The following RUNX2 variants were observed in gnomAD, a reference collection of about 807,000 sequenced individuals.
RUNX2 encodes runt-related transcription factor 2.
In RUNX2, 10 loss-of-function variants were observed where a neutral mutation model predicts 51.7. The observed-to-expected ratio is 0.19, with a 90% CI of 0.12 to 0.33. The LOEUF is 0.33. RUNX2 is among the 10% of genes least tolerant of loss of function. The probability of loss-of-function intolerance (pLI) is 1.00; values close to 1 mark genes in which losing one functional copy is unlikely to be tolerated. For synonymous variants in RUNX2, 276 were observed against 273.6 expected, an observed-to-expected ratio of 1.01 and a Z score of -0.09; for missense variants, 562 against 691.3, an observed-to-expected ratio of 0.81 and a Z score of 2.10.
At position 45,445,094 on chromosome 6, in the gene RUNX2, G is replaced by A. The variant is rs189310262; in HGVS notation, c.685+7043G>A. ...GGCTGGAGTGCAGTGGCGGGATCTC[G>A]GCTCACTGCAACCTCCACCTCCTGG... On this transcript the variant is annotated intron_variant, in intron 5 of 8. Transcript: ENST00000647337. Among the ~76,000 whole-genome samples, 1,356 of 152,066 alleles carry A rather than the reference G, an allele frequency of 8.9e-3. 18 individuals are homozygous for A. Among genetic ancestry groups the A allele is most frequent in the African/African-American group, 0.031 (1,278 of 41,460 alleles).
At chr6:45,446,558 T>A (rs958227455) in intron 5 of RUNX2, among the ~76,000 whole-genome samples, 7 of 151,700 alleles carry the variant, frequency 4.6e-5, no homozygotes, top group Non-Finnish European at 1.0e-4. Flanking sequence ...TAATTCCTGA[T>A]AGATCACTGA....
At chr6:45,476,176 A>G (rs548208178) in intron 5 of RUNX2, among the ~76,000 whole-genome samples, 433 of 152,334 alleles carry the variant, frequency 2.8e-3, no homozygotes, top group Non-Finnish European at 4.3e-3. Context: ...AGGGTTTGTT[A>G]CTTTCTGATA....
chr6:45,370,816 G>A (rs1795934433), intron 2 of RUNX2, among the ~76,000 whole-genome samples: 2 of 152,038 alleles, frequency 1.3e-5, no homozygotes. Context: ...AGACTGCTCC[G>A]AGACACAGGA....
rs1449790564 is a variant in RUNX2 at position 45,401,125 on chromosome 6, G to A, written c.59-21468G>A. On this transcript the variant is annotated intron_variant, in intron 2 of 8. Transcript: ENST00000647337. Reference sequence around the variant, plus strand: ...ATTTCTTCAGCATTTCTGTCAAGTCGTTCAGCCATCCATCCTACCCTCTCT... The same window carrying A: ...ATTTCTTCAGCATTTCTGTCAAGTCATTCAGCCATCCATCCTACCCTCTCT... Among the ~76,000 whole-genome samples, 7 of 152,258 alleles carry A rather than the reference G, an allele frequency of 4.6e-5. No homozygotes were observed. In the South Asian group the frequency reaches 8.3e-4, roughly 18 times the overall value.
intron 2 of RUNX2, chr6:45,422,214 C>T: frequency 4.4e-6 from 1 of 226,364 alleles, no homozygotes; most frequent in Non-Finnish European, 8.6e-6. Flanking sequence ...GCACCCAGGA[C>T]GCGGTGCCCC....
In RUNX2 at chr6:45,391,158, G is replaced by A. The variant is rs564180225; in HGVS notation, c.59-31435G>A. ...ATATGGTTTGGATGTTTATCCACAC[G>A]AAATTTCATTTTGAAATGTGATTCC... On this transcript the variant is annotated intron_variant, in intron 2 of 8. Transcript: ENST00000647337. 1.6e-3 allele frequency among the ~76,000 whole-genome samples: 243 copies of A among 152,264 alleles called. 1 individual carries two copies. The highest frequency in any genetic ancestry group is 3.5e-3 in the Admixed American group (53 of 15,304).
chr6:45,506,054 G>A (rs552022588), intron 6 of RUNX2, among the ~76,000 whole-genome samples: 2 of 152,220 alleles, frequency 1.3e-5, no homozygotes, highest in African/African-American at 2.4e-5. Context: ...CTACTCTCAC[G>A]GAGGAAACCA....
At position 45,548,969 on chromosome 6, in the gene RUNX2, A is replaced by G. The variant is rs1802483600; in HGVS notation, c.*1664A>G. The G allele has an allele frequency of 7.6e-6, 3 of 396,538 alleles. No homozygotes were observed. Among genetic ancestry groups the G allele is most frequent in the African/African-American group, 4.1e-5 (2 of 48,606 alleles). The allele number at this position is 396,538 out of a possible 1,614,324, so 24.6% of individuals were successfully genotyped here. A position where few individuals can be genotyped will look rare whatever the true frequency, so the allele number is the denominator to read the frequency against. The stretch of plus-strand genomic sequence containing the variant: ...GCAGGTAGCTGAGCTGAGAGGACAT[A>G]TGGCCCACGGGGACCTACAGACAGC... On this transcript the variant is annotated 3_prime_UTR_variant, in exon 9 of 9. Coordinates refer to ENST00000647337, the MANE Select transcript of RUNX2 (RefSeq NM_001024630.4).
chr6:45,526,652 C>A (rs1291570150), intron 7 of RUNX2, among the ~76,000 whole-genome samples: 1 of 152,172 alleles, frequency 6.6e-6, no homozygotes, highest in African/African-American at 2.4e-5. Flanking sequence ...TTATTGAGCA[C>A]CGTTCTGCCC....
At chr6:45,505,738 G>A (rs1800947109) in intron 6 of RUNX2, among the ~76,000 whole-genome samples, 1 of 152,160 alleles carries the variant, frequency 6.6e-6, no homozygotes, top group Non-Finnish European at 1.5e-5. Context: ...GTGCTTTTAT[G>A]TTTTGTGGTT....
chr6:45,540,873 C>T (rs955386619), intron 7 of RUNX2, among the ~76,000 whole-genome samples: 1 of 152,170 alleles, frequency 6.6e-6, no homozygotes, highest in Admixed American at 6.5e-5. Flanking sequence ...GGAAGCAAAG[C>T]AGAGGCATCC....
intron 2 of RUNX2, among the ~76,000 whole-genome samples, chr6:45,340,651 A>G (rs1789587340): frequency 6.6e-6 from 1 of 152,108 alleles, no homozygotes; most frequent in Admixed American, 6.5e-5. Flanking sequence ...CAGAAAAAAA[A>G]AGTTTCAAGG....
At position 45,492,012 on chromosome 6, in the gene RUNX2, C is replaced by A; in HGVS notation, c.757C>A (p.Pro253Thr). The change falls in exon 6 of 9, where the codon CCT becomes ACT. Residue 253 changes from proline (P) to threonine (T), a missense_variant. By Grantham distance (38) the Pro-to-Thr change is conservative. This residue lies in a region of RUNX2 where 304 missense variants were observed against 353.2 expected (regional missense o/e 0.86). Coordinates refer to ENST00000647337, the MANE Select transcript of RUNX2 (RefSeq NM_001024630.4). Reference sequence around the variant, plus strand: ...CCGCCTCAGTGATTTAGGGCGCATTCCTCATCCCAGTATGAGAGTAGGTGT... The same window carrying A: ...CCGCCTCAGTGATTTAGGGCGCATTACTCATCCCAGTATGAGAGTAGGTGT... Reference protein sequence around the residue: ...SDRLSDLGRIPHPSMRVGVPP... With the variant: ...SDRLSDLGRITHPSMRVGVPP... The A allele has an allele frequency of 6.2e-7, 1 of 1,613,860 alleles. No individual in the cohort carries two copies. Among genetic ancestry groups the A allele is most frequent in the East Asian group, 2.2e-5 (1 of 44,874 alleles).
At chr6:45,361,619 T>C (rs1794278083) in intron 2 of RUNX2, 1 of 152,134 alleles carries the variant, frequency 6.6e-6, no homozygotes, top group Non-Finnish European at 1.5e-5. Flanking sequence ...TCTGGACCAT[T>C]CCAGTACAGG....
intron 5 of RUNX2, among the ~76,000 whole-genome samples, chr6:45,444,387 G>C (rs896081469): frequency 1.3e-5 from 2 of 152,198 alleles, no homozygotes; most frequent in African/African-American, 4.8e-5. Flanking sequence ...AACCTGGTGG[G>C]AAAAAGGAGA....
chr6:45,400,913 G>A (rs923918226), intron 2 of RUNX2, among the ~76,000 whole-genome samples: 1 of 152,174 alleles, frequency 6.6e-6, no homozygotes. Context: ...AGGAAGATGA[G>A]TTGCTGAGTA....
intron 5 of RUNX2, among the ~76,000 whole-genome samples, chr6:45,476,860 G>T (rs189430833): frequency 6.6e-6 from 1 of 152,134 alleles, no homozygotes; most frequent in African/African-American, 2.4e-5. Flanking sequence ...ATCATTAGAG[G>T]TATTCTTATG....
In RUNX2 at chr6:45,515,383, G is replaced by C. The variant is rs561228027; in HGVS notation, c.1021+2976G>C. Among the ~76,000 whole-genome samples, 5 of 152,270 alleles carry C rather than the reference G, an allele frequency of 3.3e-5. No homozygotes were observed. The East Asian group carries it at 9.6e-4, about 29-fold the overall frequency. On this transcript the variant is annotated intron_variant, in intron 7 of 8. Coordinates refer to ENST00000647337, the MANE Select transcript of RUNX2 (RefSeq NM_001024630.4). ...CAGGGTTGGTGTGAGGATTAAGTGA[G>C]ATACTTCATATAAAGTGTTTAGAAC...
At position 45,487,337 on chromosome 6, in the gene RUNX2, G is replaced by GTCCC. The variant is rs1344907735; in HGVS notation, c.686-4603_686-4600dup. ...AACTATATGACTTTAGGTAAGGCAT[G>GTCCC]TCCCCTCTCAGGGACTCAGGGTCCT... On this transcript the variant is annotated intron_variant, in intron 5 of 8. Coordinates refer to ENST00000647337, the MANE Select transcript of RUNX2 (RefSeq NM_001024630.4). Among the ~76,000 whole-genome samples the GTCCC allele has an allele frequency of 2.6e-5, 4 of 152,114 alleles. No individual in the cohort carries two copies. In the East Asian group the frequency reaches 7.7e-4, roughly 29 times the overall value.
Sources: gnomAD v4.1 joint callset for allele counts (sites outside exome capture counted in the v4.1 genomes callset) on GRCh38, gnomAD v4.1.1 for gene constraint, gnomAD v4.1.1 regional missense constraint, MANE v1.5 for transcripts, NCBI Gene and HGNC (gene_info 2026-07-23, HGNC 2026-07-21) for gene names.